FHOD3: variants seen among roughly 807,000 people sequenced by gnomAD.
FHOD3 encodes FH1/FH2 domain-containing protein 3.
FHOD3 carries 90 observed loss-of-function variants against 173.0 expected under a neutral mutation model. The ratio of observed to expected loss-of-function variants is 0.52; its 90% confidence interval spans 0.44 to 0.62. FHOD3 has a LOEUF of 0.62. Ranked by LOEUF, FHOD3 falls within the 20% of genes least tolerant of loss-of-function variation. FHOD3 has a pLI of 0.00. For missense variants in FHOD3, 1,945 were observed against 2,034.7 expected, an observed-to-expected ratio of 0.96 and a Z score of 0.85; for synonymous variants, 828 against 823.0, an observed-to-expected ratio of 1.01 and a Z score of -0.10.
intron 1 of FHOD3, among the ~76,000 whole-genome samples, chr18:36,319,981 A>G (rs894644128): frequency 6.6e-6 from 1 of 152,220 alleles, no homozygotes; most frequent in Non-Finnish European, 1.5e-5. Context: ...GGACACATTT[A>G]AAGCAGTATG....
intron 5 of FHOD3, among the ~76,000 whole-genome samples, chr18:36,538,818 C>T (rs2057093560): frequency 6.6e-6 from 1 of 152,048 alleles, no homozygotes; most frequent in Non-Finnish European, 1.5e-5. Flanking sequence ...TGAGAGTGTT[C>T]TTTGTGGCGA....
intron 3 of FHOD3, among the ~76,000 whole-genome samples, chr18:36,394,838 C>T (rs1365582685): frequency 1.3e-5 from 2 of 152,190 alleles, no homozygotes; most frequent in African/African-American, 4.8e-5. Context: ...GTCATAGTTT[C>T]TGAGCCTCCT....
intron 3 of FHOD3, among the ~76,000 whole-genome samples, chr18:36,424,280 A>G (rs145073475): frequency 7.9e-5 from 12 of 152,314 alleles, no homozygotes; most frequent in African/African-American, 2.6e-4. Context: ...ATGTATTTCT[A>G]AGCCACTTAG....
At chr18:36,711,215 C>T (rs2040153164) in intron 18 of FHOD3, 2 of 152,230 alleles carry the variant, frequency 1.3e-5, no homozygotes, top group Admixed American at 1.3e-4. Flanking sequence ...TCACAGGCAT[C>T]ATCAGCCACT....
At position 36,687,470 on chromosome 18, in the gene FHOD3, C is replaced by T. The variant is rs78189426; in HGVS notation, c.2021+292C>T. Among the ~76,000 whole-genome samples, 2,857 of 152,280 alleles carry T rather than the reference C, an allele frequency of 0.019. 51 individuals carry two copies. The highest frequency in any genetic ancestry group is 0.024 in the Non-Finnish European group (1,637 of 68,030). ...ATACCCTGCACCACCACTGCTGAGC[C>T]TGGACTACATGTTCCTAATGCATGC... On this transcript the variant is annotated intron_variant, in intron 16 of 28. Transcript: ENST00000590592.
In FHOD3 at chr18:36,738,653, A is replaced by G. The variant is rs560251917; in HGVS notation, c.3577-2003A>G. On this transcript the variant is annotated intron_variant, in intron 20 of 28. Coordinates refer to ENST00000590592, the MANE Select transcript of FHOD3 (RefSeq NM_001281740.3). ...TAACTTGAGGTTGCTTTTTTTGCATATAGAGTCTAGTTGTTCTAACACCAT... is the reference window on the plus strand; with the variant it reads ...TAACTTGAGGTTGCTTTTTTTGCATGTAGAGTCTAGTTGTTCTAACACCAT... Among the ~76,000 whole-genome samples, 4 of 152,280 alleles carry G rather than the reference A, an allele frequency of 2.6e-5. No individual in the cohort carries two copies. In the South Asian group the frequency reaches 6.2e-4, roughly 24 times the overall value.
chr18:36,431,026 G>A lies in FHOD3; in HGVS notation c.337+58282G>A, dbSNP rs181331791. On this transcript the variant is annotated intron_variant, in intron 3 of 28. Coordinates refer to ENST00000590592, the MANE Select transcript of FHOD3 (RefSeq NM_001281740.3). ...GCTAACATGTTGTAGGACAAAGGTG[G>A]TAGAAATAATTGATATGTTATATAT... Among the ~76,000 whole-genome samples, 31 of 152,220 alleles carry A rather than the reference G, an allele frequency of 2.0e-4. No individual in the cohort carries two copies. The East Asian group carries it at 5.8e-3, about 28-fold the overall frequency.
Position 36,412,822 on chromosome 18 carries a change from A to G in FHOD3, c.337+40078A>G, listed in dbSNP as rs1422000726. Among the ~76,000 whole-genome samples, 4 of 152,240 alleles carry G rather than the reference A, an allele frequency of 2.6e-5. No homozygotes were observed. In the East Asian group the frequency reaches 5.8e-4, roughly 22 times the overall value. On this transcript the variant is annotated intron_variant, in intron 3 of 28. Coordinates refer to ENST00000590592, the MANE Select transcript of FHOD3 (RefSeq NM_001281740.3). Reference sequence around the variant, plus strand: ...CGATATATAATGAAGAATGAATGATAACAAGAATTTTCTCATCTTCCTAGC... The same window carrying G: ...CGATATATAATGAAGAATGAATGATGACAAGAATTTTCTCATCTTCCTAGC...
chr18:36,595,743 G>A (rs957116051), intron 7 of FHOD3, among the ~76,000 whole-genome samples: 1 of 152,168 alleles, frequency 6.6e-6, no homozygotes, highest in African/African-American at 2.4e-5. Flanking sequence ...TGTGGACCCC[G>A]TGATATTGGG....
chr18:36,591,181 C>T (rs187169903), intron 6 of FHOD3, among the ~76,000 whole-genome samples: 1 of 152,298 alleles, frequency 6.6e-6, no homozygotes, highest in Non-Finnish European at 1.5e-5. Context: ...GAGAAAAATA[C>T]ACTGGAATGT....
intron 1 of FHOD3, among the ~76,000 whole-genome samples, chr18:36,339,482 G>A (rs2045498158): frequency 6.6e-6 from 1 of 152,240 alleles, no homozygotes; most frequent in Non-Finnish European, 1.5e-5. Context: ...CTATAGTCCT[G>A]AAATTCTTAA....
chr18:36,301,231 C>T (rs1307824973), intron 1 of FHOD3, among the ~76,000 whole-genome samples: 20 of 152,184 alleles, frequency 1.3e-4, no homozygotes, highest in Admixed American at 1.2e-3. Context: ...AACTGGACAA[C>T]CTGTCAGGCC....
At chr18:36,505,981 G>A (rs73947197) in intron 4 of FHOD3, among the ~76,000 whole-genome samples, 3,980 of 152,240 alleles carry the variant, frequency 0.026, 150 homozygotes, top group African/African-American at 0.09. Context: ...AAAAAGCCAT[G>A]GATCACCATA....
At chr18:36,698,945 G>A in intron 17 of FHOD3, among the ~76,000 whole-genome samples, 1 of 152,128 alleles carries the variant, frequency 6.6e-6, no homozygotes, top group East Asian at 1.9e-4. Flanking sequence ...CTTTTATAAT[G>A]GGCGGTAAAC....
At chr18:36,714,585 T>A (rs569760437) in intron 18 of FHOD3, among the ~76,000 whole-genome samples, 42 of 152,254 alleles carry the variant, frequency 2.8e-4, no homozygotes, top group African/African-American at 9.4e-4. Flanking sequence ...GTTCCCAAAA[T>A]AAGAAAATGC....
At chr18:36,398,157 A>T (rs1343432484) in intron 3 of FHOD3, among the ~76,000 whole-genome samples, 9 of 152,226 alleles carry the variant, frequency 5.9e-5, no homozygotes. Flanking sequence ...ATATGCAGGA[A>T]GTTAAAAGGA....
chr18:36,649,656 T>G (rs1254638005), intron 11 of FHOD3, among the ~76,000 whole-genome samples: 3 of 152,168 alleles, frequency 2.0e-5, no homozygotes, highest in Admixed American at 1.3e-4. Context: ...ATCACTGGTT[T>G]TCTCCTCACC....
chr18:36,720,236 C>CTTT (rs35295640), intron 19 of FHOD3, among the ~76,000 whole-genome samples: 5,172 of 119,024 alleles, frequency 0.043, 500 homozygotes, highest in African/African-American at 0.15. Context: ...CGTTCCAATT[C>CTTT]TTTTTTTTTT....
rs761016793 is a variant in FHOD3, at chr18:36,625,756, A to G, written c.1196+7A>G. On this transcript the variant is annotated splice_region_variant and intron_variant, in intron 10 of 28. Transcript: ENST00000590592. Reference sequence around the variant, plus strand: ...TGCGAGATCTGCGTGAAAAGTAAGCATTAACTTGGCAGTGGAGAGGGGTGC... The same window carrying G: ...TGCGAGATCTGCGTGAAAAGTAAGCGTTAACTTGGCAGTGGAGAGGGGTGC... The G allele has an allele frequency of 7.5e-6, 12 of 1,596,154 alleles. No individual in the cohort carries two copies. The highest frequency in any genetic ancestry group is 1.0e-5 in the Non-Finnish European group (12 of 1,167,696).
Sources: allele counts gnomAD v4.1 joint callset (sites outside exome capture counted in the v4.1 genomes callset), GRCh38; gene constraint gnomAD v4.1.1; transcripts MANE v1.5; gene names NCBI Gene and HGNC (gene_info 2026-07-23, HGNC 2026-07-21).